PPM1B: variants seen among roughly 807,000 people sequenced by gnomAD.
PPM1B encodes protein phosphatase, Mg2+/Mn2+ dependent 1B, also known as protein phosphatase 1B.
A neutral mutation model predicts 43.0 loss-of-function variants in PPM1B; 22 were observed. That is an observed-to-expected ratio of 0.51 (90% confidence interval 0.37 to 0.73). The LOEUF (loss-of-function observed/expected upper bound fraction) is 0.73. PPM1B is among the 30% of genes least tolerant of loss of function. The pLI is 0.00. For missense variants in PPM1B, 632 were observed against 584.2 expected (o/e 1.08, Z -0.84); for synonymous variants, 217 against 197.9 (o/e 1.10, Z -0.81).
intron 1 of PPM1B, among the ~76,000 whole-genome samples, chr2:44,175,464 G>T (rs1667537045): frequency 6.6e-6 from 1 of 152,180 alleles, no homozygotes; most frequent in Non-Finnish European, 1.5e-5. Flanking sequence ...AGTGCCTTCT[G>T]TGTGCAAAGG....
downstream of PPM1B, among the ~76,000 whole-genome samples, chr2:44,232,123 C>T (rs879510884): frequency 5.9e-5 from 9 of 152,070 alleles, no homozygotes; most frequent in Non-Finnish European, 1.2e-4. Context: ...ATAACCCAAC[C>T]CAGTTATCTA....
At chr2:44,236,402 C>CAAAAAAAAAAAAAAAAA (rs61414038), downstream of PPM1B, among the ~76,000 whole-genome samples, 776 of 47,490 alleles carry the variant, frequency 0.016, 169 homozygotes, top group Middle Eastern at 0.025. Context: ...GACTCCGTCT[C>CAAAAAAAAAAAAAAAAA]AAAAAAAAAA....
chr2:44,205,586 G>T (rs1288035248), intron 2 of PPM1B, among the ~76,000 whole-genome samples: 1 of 152,058 alleles, frequency 6.6e-6, no homozygotes, highest in African/African-American at 2.4e-5. Context: ...TGTGATTATT[G>T]ATAGAAATGT....
At chr2:44,214,981 A>T in intron 3 of PPM1B, among the ~76,000 whole-genome samples, 1 of 152,220 alleles carries the variant, frequency 6.6e-6, no homozygotes, top group East Asian at 1.9e-4. Context: ...AATTTCTTAA[A>T]GGTGTGGTCA....
At chr2:44,243,153 C>T (rs1166409150) in intron 5 of PPM1B, among the ~76,000 whole-genome samples, 1 of 152,150 alleles carries the variant, frequency 6.6e-6, no homozygotes, top group Non-Finnish European at 1.5e-5. Flanking sequence ...AGAATAAGGG[C>T]TTTCTACTCA....
intron 5 of PPM1B, among the ~76,000 whole-genome samples, chr2:44,225,919 G>A (rs1670188024): frequency 6.6e-6 from 1 of 150,470 alleles, no homozygotes; most frequent in Non-Finnish European, 1.5e-5. Context: ...GCCTCCAAAA[G>A]TACTGGGATT....
Position 44,201,823 on chromosome 2 carries a change from G to A in PPM1B, c.624G>A (p.Lys208=), listed in dbSNP as rs1399481035. The change falls in exon 2 of 6, where the codon AAG becomes AAA. Residue 208 remains lysine (K), a synonymous_variant. Coordinates refer to ENST00000282412, the MANE Select transcript of PPM1B (RefSeq NM_002706.6). This position sits in a 1 kb window ranked among gnomAD's most constrained non-coding sequence, Gnocchi z 5.4. ...VSRALGDYDY[K]CVDGKGPTEQ... is the part of the protein sequence containing the mutation. Reference sequence around the variant, plus strand: ...GTGCTCTGGGGGACTATGATTACAAGTGTGTTGATGGCAAGGGCCCAACAG... The same window carrying A: ...GTGCTCTGGGGGACTATGATTACAAATGTGTTGATGGCAAGGGCCCAACAG... The A allele has an allele frequency of 1.9e-6, 3 of 1,614,104 alleles. No individual in the cohort carries two copies. The highest frequency in any genetic ancestry group is 3.3e-5 in the Admixed American group (2 of 60,004).
Position 44,230,575 on chromosome 2 carries a change from G to A in PPM1B, c.1297G>A (p.Ala433Thr). The A allele has an allele frequency of 6.2e-6, 10 of 1,614,176 alleles. No individual in the cohort carries two copies. The highest frequency in any genetic ancestry group is 8.5e-6 in the Non-Finnish European group (10 of 1,180,020). ...GGGAGAAGAAAGCCCTGCTGAACCAGCTGCCACAGCTACTTCTTCGAACAG... is the reference window on the plus strand; with the variant it reads ...GGGAGAAGAAAGCCCTGCTGAACCAACTGCCACAGCTACTTCTTCGAACAG... Reference protein sequence around the residue: ...VEGEESPAEPAATATSSNSDA... With the variant: ...VEGEESPAEPTATATSSNSDA... The change falls in exon 6 of 6, where the codon GCT becomes ACT. Residue 433 changes from alanine to threonine, a missense_variant. Physicochemically the swap from Ala to Thr is moderately conservative, Grantham distance 58. Coordinates refer to ENST00000282412, the MANE Select transcript of PPM1B (RefSeq NM_002706.6).
At chr2:44,176,954 AT>A (rs1290268208) in intron 1 of PPM1B, among the ~76,000 whole-genome samples, 2 of 151,828 alleles carry the variant, frequency 1.3e-5, no homozygotes, top group African/African-American at 4.8e-5. Flanking sequence ...CTAATTTTGT[AT>A]TTTTCGTAGA....
chr2:44,232,546 A>G (rs897342436), downstream of PPM1B: 4 of 1,415,560 alleles, frequency 2.8e-6, no homozygotes, highest in African/African-American at 5.8e-5. Flanking sequence ...TGCCTGTACT[A>G]CAGTATTTTT....
intron 1 of PPM1B, among the ~76,000 whole-genome samples, chr2:44,199,320 A>T (rs1355946645): frequency 2.6e-4 from 26 of 98,756 alleles, no homozygotes; most frequent in Admixed American, 3.6e-4. Context: ...AAAAAAAATA[A>T]AAATAAAAAA....
At chr2:44,243,477 A>G (rs1284848469) in intron 5 of PPM1B, among the ~76,000 whole-genome samples, 1 of 152,172 alleles carries the variant, frequency 6.6e-6, no homozygotes, top group African/African-American at 2.4e-5. Flanking sequence ...CTAAGTAAAT[A>G]TTTACATATA....
At chr2:44,216,201 G>C (rs897472309) in intron 3 of PPM1B, among the ~76,000 whole-genome samples, 1 of 152,120 alleles carries the variant, frequency 6.6e-6, no homozygotes, top group Non-Finnish European at 1.5e-5. Context: ...TAGAAATTAT[G>C]CATTAATGCA....
chr2:44,219,918 G>T (rs1669894616), intron 5 of PPM1B, among the ~76,000 whole-genome samples: 1 of 151,358 alleles, frequency 6.6e-6, no homozygotes, highest in Non-Finnish European at 1.5e-5. Flanking sequence ...ACTCCACCCT[G>T]GGCAACAAGA....
Position 44,201,258 on chromosome 2 carries a change from A to G in PPM1B, c.59A>G (p.Asn20Ser). 1.2e-6 allele frequency: 2 copies of G among 1,613,506 alleles called. No individual in the cohort carries two copies. Among genetic ancestry groups the G allele is most frequent in the East Asian group, 2.2e-5 (1 of 44,858 alleles). Residue 20 changes from asparagine (N) to serine (S), a missense_variant, in exon 2 of 6, where the codon AAT (asparagine) becomes AGT (serine). Physicochemically the swap from Asn to Ser is conservative, Grantham distance 46 (BLOSUM62 1). Coordinates refer to ENST00000282412, the MANE Select transcript of PPM1B (RefSeq NM_002706.6). This position sits in a 1 kb window ranked among gnomAD's most constrained non-coding sequence, Gnocchi z 5.4. ...AAACATAATGCTCATGGTGCTGGGA[A>G]TGGTTTACGTTATGGCCTGAGCAGC... ...TEKHNAHGAG[N>S]GLRYGLSSMQ...
chr2:44,225,407 A>G (rs1221112787), intron 5 of PPM1B, among the ~76,000 whole-genome samples: 2 of 152,212 alleles, frequency 1.3e-5, no homozygotes, highest in Non-Finnish European at 2.9e-5. Context: ...CTCTTCTAAT[A>G]TTAATGAAAG....
At chr2:44,229,123 G>A (rs1425858839) in intron 5 of PPM1B, among the ~76,000 whole-genome samples, 1 of 151,524 alleles carries the variant, frequency 6.6e-6, no homozygotes, top group Non-Finnish European at 1.5e-5. Flanking sequence ...TGGAGGTTGT[G>A]GTGAGCCGAG....
chr2:44,191,977 C>T (rs1668423619), intron 1 of PPM1B, among the ~76,000 whole-genome samples: 1 of 151,734 alleles, frequency 6.6e-6, no homozygotes, highest in African/African-American at 2.4e-5. Flanking sequence ...TTTTCTTGTT[C>T]TTTCTCTAAT....
intron 1 of PPM1B, among the ~76,000 whole-genome samples, chr2:44,180,139 G>A (rs1398415168): frequency 6.6e-6 from 1 of 152,100 alleles, no homozygotes; most frequent in East Asian, 1.9e-4. Context: ...TAGGAACAAG[G>A]CAATTGCTTA....
Sources: gnomAD v4.1 joint callset for allele counts (sites outside exome capture counted in the v4.1 genomes callset) on GRCh38, gnomAD v4.1.1 for gene constraint, Gnocchi (gnomAD v3.1) non-coding constraint, MANE v1.5 for transcripts, NCBI Gene and HGNC (gene_info 2026-07-23, HGNC 2026-07-21) for gene names.